The following NIPAL3 variants were observed in gnomAD, a reference collection of about 807,000 sequenced individuals.
NIPAL3 encodes NIPA-like protein 3.
In NIPAL3, 41 loss-of-function variants were observed where a neutral mutation model predicts 47.2. That is an observed-to-expected ratio of 0.87 (90% CI 0.68 to 1.13). NIPAL3 has a LOEUF of 1.13. Ranked by LOEUF, NIPAL3 falls within the 50% of genes most tolerant of loss-of-function variation. The probability of loss-of-function intolerance (pLI) is 0.00; values close to 1 mark genes in which losing one functional copy is unlikely to be tolerated. For synonymous variants in NIPAL3, 194 were observed against 209.6 expected (o/e 0.93, Z 0.64); for missense variants, 449 against 530.1 (o/e 0.85, Z 1.50).
intron 4 of NIPAL3, 73 bp from the exon 5 acceptor site, chr1:24,445,112 A>G: frequency 2.0e-6 from 2 of 1,019,302 alleles, no homozygotes; most frequent in Non-Finnish European, 3.1e-6. Context: ...AGCCACCCAG[A>G]GGGCATGGGT....
chr1:24,443,073 G>A (rs988225309), intron 4 of NIPAL3, among the ~76,000 whole-genome samples: 2 of 152,132 alleles, frequency 1.3e-5, no homozygotes, highest in Non-Finnish European at 2.9e-5. Flanking sequence ...AAAGTGCTGG[G>A]ACTACAATTG....
chr1:24,450,122 GTAA>G, intron 6 of NIPAL3, among the ~76,000 whole-genome samples: 1 of 152,308 alleles, frequency 6.6e-6, no homozygotes, highest in South Asian at 2.1e-4. Flanking sequence ...GCCCCACACA[GTAA>G]TATCAAAACC....
chr1:24,442,490 A>G (rs967634123), intron 4 of NIPAL3, among the ~76,000 whole-genome samples: 1 of 152,238 alleles, frequency 6.6e-6, no homozygotes, highest in Non-Finnish European at 1.5e-5. Context: ...TAATGAAATT[A>G]CTTTCCCCAA....
intron 2 of NIPAL3, among the ~76,000 whole-genome samples, chr1:24,430,170 C>T (rs1043326414): frequency 3.3e-5 from 5 of 151,696 alleles, no homozygotes; most frequent in African/African-American, 7.3e-5. Context: ...GTGCTAAGAA[C>T]TTTATTCACA....
intron 5 of NIPAL3, among the ~76,000 whole-genome samples, chr1:24,448,362 A>C (rs867662381): frequency 7.2e-5 from 11 of 152,250 alleles, no homozygotes; most frequent in African/African-American, 2.6e-4. Flanking sequence ...CAGGGGAGAG[A>C]TAAGAGCCAT....
At position 24,471,380 on chromosome 1, in the gene NIPAL3, C is replaced by T. The variant is rs1646895473; in HGVS notation, c.*2195C>T. On this transcript the variant is annotated 3_prime_UTR_variant, in exon 12 of 12. Coordinates refer to ENST00000374399, the MANE Select transcript of NIPAL3 (RefSeq NM_020448.5). Reference sequence around the variant, plus strand: ...CTTGAGCCCAGGAGTTTTATATCAGCCTGGGCAACATAGCAAGACCTCATC... The same window carrying T: ...CTTGAGCCCAGGAGTTTTATATCAGTCTGGGCAACATAGCAAGACCTCATC... The T allele has an allele frequency of 6.5e-6, 1 of 153,064 alleles. No individual in the cohort carries two copies. The allele number at this position is 153,064 out of a possible 1,614,324, so 9.5% of individuals were successfully genotyped here.
intron 2 of NIPAL3, 136 bp downstream of exon 2, chr1:24,419,776 C>G (rs1644237566): frequency 1.3e-6 from 1 of 748,608 alleles, no homozygotes; most frequent in East Asian, 2.8e-5. Context: ...TTCACACAGA[C>G]AAGGGAATGT....
At chr1:24,442,465 A>G (rs1645443436) in intron 4 of NIPAL3, among the ~76,000 whole-genome samples, 1 of 152,228 alleles carries the variant, frequency 6.6e-6, no homozygotes, top group African/African-American at 2.4e-5. Context: ...CAGATGAGGA[A>G]ACTGAGGCAC....
chr1:24,439,405 A>T (rs897834184), intron 2 of NIPAL3, among the ~76,000 whole-genome samples: 21 of 152,202 alleles, frequency 1.4e-4, no homozygotes, highest in African/African-American at 4.6e-4. Context: ...TATAAAGTAA[A>T]TTAACATTTC....
At chr1:24,465,105 T>C (rs1346154675) in intron 11 of NIPAL3, 1 of 152,174 alleles carries the variant, frequency 6.6e-6, no homozygotes, top group Non-Finnish European at 1.5e-5. Flanking sequence ...TCAATGTCAA[T>C]GTGCTCCTTC....
chr1:24,441,142 C>T (rs1424317060), intron 3 of NIPAL3, among the ~76,000 whole-genome samples: 1 of 152,214 alleles, frequency 6.6e-6, no homozygotes, highest in Non-Finnish European at 1.5e-5. Context: ...TTCACTCCAC[C>T]AGCACTGCCC....
At chr1:24,418,648 C>T (rs1186565092) in intron 1 of NIPAL3, among the ~76,000 whole-genome samples, 2 of 152,086 alleles carry the variant, frequency 1.3e-5, no homozygotes, top group East Asian at 1.9e-4. Context: ...AATATAAGTC[C>T]GATGAAATTA....
chr1:24,425,503 T>C (rs555035507), intron 2 of NIPAL3, among the ~76,000 whole-genome samples: 2 of 152,236 alleles, frequency 1.3e-5, no homozygotes, highest in Non-Finnish European at 2.9e-5. Context: ...TTTTCACAAG[T>C]GTTTACCCCT....
At chr1:24,439,037 C>T (rs1420110995) in intron 2 of NIPAL3, among the ~76,000 whole-genome samples, 1 of 151,908 alleles carries the variant, frequency 6.6e-6, no homozygotes, top group African/African-American at 2.4e-5. Context: ...ACGGGGGACT[C>T]CAAAACGGGG....
chr1:24,435,762 G>A (rs547707251), intron 2 of NIPAL3, among the ~76,000 whole-genome samples: 2 of 152,346 alleles, frequency 1.3e-5, no homozygotes, highest in South Asian at 4.1e-4. Context: ...AGGACACCTT[G>A]CCACTGGCTC....
intron 9 of NIPAL3, 132 bp downstream of exon 9, chr1:24,459,108 G>T: frequency 1.3e-6 from 1 of 767,708 alleles, no homozygotes; most frequent in Non-Finnish European, 2.2e-6. Flanking sequence ...AGAATGTGCA[G>T]GATTTCCAGA....
At chr1:24,457,530 C>A (rs907009421) in intron 8 of NIPAL3, among the ~76,000 whole-genome samples, 4 of 152,214 alleles carry the variant, frequency 2.6e-5, no homozygotes, top group Non-Finnish European at 4.4e-5. Flanking sequence ...GTGAGCCCAG[C>A]TCTTTTCTCA....
intron 2 of NIPAL3, among the ~76,000 whole-genome samples, chr1:24,426,133 T>C (rs1644575673): frequency 6.6e-6 from 1 of 152,142 alleles, no homozygotes; most frequent in Non-Finnish European, 1.5e-5. Flanking sequence ...ACACAGTCAA[T>C]GGGTAGCGTA....
chr1:24,417,596 C>T lies in NIPAL3; in HGVS notation c.-258+1692C>T, dbSNP rs372685033. Among the ~76,000 whole-genome samples the T allele has an allele frequency of 7.0e-4, 106 of 152,320 alleles. 1 individual carries two copies. In the Middle Eastern group the frequency reaches 0.017, roughly 24 times the overall value. ...GATAAAGTTACCCGGTGAATGCTTA[C>T]ATCTCATGTCTGTATATTGGATATA... On this transcript the variant is annotated intron_variant, in intron 1 of 11. Coordinates refer to ENST00000374399, the MANE Select transcript of NIPAL3 (RefSeq NM_020448.5).
Sources: gnomAD v4.1 joint callset for allele counts (sites outside exome capture counted in the v4.1 genomes callset) on GRCh38, gnomAD v4.1.1 for gene constraint, MANE v1.5 for transcripts, NCBI Gene and HGNC (gene_info 2026-07-23, HGNC 2026-07-21) for gene names.